The following GBE1 variants were observed in gnomAD, a reference collection of about 807,000 sequenced individuals.
GBE1 encodes 1,4-alpha-glucan-branching enzyme.
A neutral mutation model predicts 88.8 loss-of-function variants in GBE1; 70 were observed. The observed-to-expected ratio is 0.79, with a 90% CI of 0.65 to 0.96. The LOEUF is 0.96. Among genes scored for constraint, GBE1 ranks in the 40% least tolerant of loss-of-function variants. The pLI is 0.00. For synonymous variants in GBE1, 284 were observed against 300.1 expected (o/e 0.95, Z 0.56); for missense variants, 872 against 871.0 (o/e 1.00, Z -0.01).
chr3:81,759,602 G>T (rs1030188644), intron 1 of GBE1, among the ~76,000 whole-genome samples: 2 of 152,160 alleles, frequency 1.3e-5, no homozygotes, highest in Admixed American at 1.3e-4. Context: ...GCTAGCAAAT[G>T]GCCATTACTC....
At chr3:81,704,194 T>C (rs1705739918) in intron 2 of GBE1, among the ~76,000 whole-genome samples, 1 of 152,006 alleles carries the variant, frequency 6.6e-6, no homozygotes, top group Non-Finnish European at 1.5e-5. Flanking sequence ...TACTCTACTG[T>C]TCTCCTTTCA....
chr3:81,608,926 T>C (rs2106985382), intron 7 of GBE1, among the ~76,000 whole-genome samples: 1 of 152,264 alleles, frequency 6.6e-6, no homozygotes, highest in Non-Finnish European at 1.5e-5. Flanking sequence ...ATAAGAGCCT[T>C]CATAAGGAAA....
chr3:81,654,389 A>C lies in GBE1; in HGVS notation c.430-4468T>G, dbSNP rs73127101. On this transcript the variant is annotated intron_variant, in intron 3 of 15. Coordinates refer to ENST00000429644, the MANE Select transcript of GBE1 (RefSeq NM_000158.4). Reference sequence around the variant, plus strand: ...TTTAAAGTGCTTCTTGCAAAACACAAATTTTCCATGTACTGGAAAATTACT... The same window carrying C: ...TTTAAAGTGCTTCTTGCAAAACACACATTTTCCATGTACTGGAAAATTACT... Among the ~76,000 whole-genome samples the C allele has an allele frequency of 3.0e-3, 462 of 152,232 alleles. 1 individual carries two copies. The highest frequency in any genetic ancestry group is 6.8e-3 in the Middle Eastern group (2 of 294).
Position 81,621,469 on chromosome 3 carries a change from G to A in GBE1, c.992+21312C>T, listed in dbSNP as rs918341787. On this transcript the variant is annotated intron_variant, in intron 7 of 15. Transcript: ENST00000429644. ...TCCTCCTGGCTTTCAAAGAGCCCTC[G>A]TTGTGACTTAAGGGAAGTCACAGCA... Among the ~76,000 whole-genome samples the A allele has an allele frequency of 2.2e-4, 34 of 152,162 alleles. No homozygotes were observed. The South Asian group carries it at 4.2e-3, about 19-fold the overall frequency.
intron 7 of GBE1, among the ~76,000 whole-genome samples, chr3:81,597,766 T>C (rs1446521493): frequency 6.6e-6 from 1 of 151,756 alleles, no homozygotes; most frequent in South Asian, 2.1e-4. Context: ...GTGCCTAATA[T>C]AGAAACTGAA....
chr3:81,692,572 C>T (rs891222268), intron 2 of GBE1, among the ~76,000 whole-genome samples: 1 of 152,056 alleles, frequency 6.6e-6, no homozygotes, highest in African/African-American at 2.4e-5. Context: ...TAACGTTCTC[C>T]ATCAAGAAAA....
chr3:81,510,871 T>A (rs1462937627), intron 14 of GBE1, among the ~76,000 whole-genome samples: 1 of 152,100 alleles, frequency 6.6e-6, no homozygotes, highest in Non-Finnish European at 1.5e-5. Flanking sequence ...ATGTGTTATA[T>A]ACTTGAAATC....
At chr3:81,626,595 G>C (rs1704419754) in intron 7 of GBE1, among the ~76,000 whole-genome samples, 1 of 151,982 alleles carries the variant, frequency 6.6e-6, no homozygotes, top group South Asian at 2.1e-4. Context: ...AACTACTCCA[G>C]GCAAAGATAA....
chr3:81,699,243 C>T (rs889023522), intron 2 of GBE1, among the ~76,000 whole-genome samples: 1 of 152,104 alleles, frequency 6.6e-6, no homozygotes, highest in Non-Finnish European at 1.5e-5. Context: ...ATTGAACAAA[C>T]GACTCCTTGA....
At chr3:81,540,583 T>C (rs948394654) in intron 12 of GBE1, among the ~76,000 whole-genome samples, 4 of 152,108 alleles carry the variant, frequency 2.6e-5, no homozygotes, top group Non-Finnish European at 5.9e-5. Flanking sequence ...ATTTGGCTCT[T>C]GTTCATACAG....
chr3:81,613,547 A>G lies in GBE1; in HGVS notation c.993-19524T>C, dbSNP rs560436437. 2.5e-4 allele frequency among the ~76,000 whole-genome samples: 38 copies of G among 152,150 alleles called. 1 individual carries two copies. In the South Asian group the frequency reaches 7.7e-3, roughly 31 times the overall value. Reference sequence around the variant, plus strand: ...TGTCTATTTTCTCTTGTTTAAAAAAAGAAAAAAAAAACTTAAACAATGGGG... The same window carrying G: ...TGTCTATTTTCTCTTGTTTAAAAAAGGAAAAAAAAAACTTAAACAATGGGG... On this transcript the variant is annotated intron_variant, in intron 7 of 15. Coordinates refer to ENST00000429644, the MANE Select transcript of GBE1 (RefSeq NM_000158.4).
intron 12 of GBE1, among the ~76,000 whole-genome samples, chr3:81,565,361 T>C (rs572489077): frequency 6.6e-6 from 1 of 152,312 alleles, no homozygotes; most frequent in South Asian, 2.1e-4. Context: ...ATTCCAGCGC[T>C]TAGCAGGAAG....
chr3:81,668,440 G>T (rs923952950), intron 3 of GBE1, among the ~76,000 whole-genome samples: 1 of 152,144 alleles, frequency 6.6e-6, no homozygotes, highest in Non-Finnish European at 1.5e-5. Context: ...AGAATGTAGG[G>T]TGAGCCAGTA....
chr3:81,723,257 T>G lies in GBE1; in HGVS notation c.144-17644A>C, dbSNP rs547007883. Among the ~76,000 whole-genome samples, 196 of 127,786 alleles carry G rather than the reference T, an allele frequency of 1.5e-3. 1 individual carries two copies. The highest frequency in any genetic ancestry group is 6.4e-3 in the Admixed American group (85 of 13,196). The allele number at this position is 127,786 out of a possible 152,430, so 83.8% of individuals were successfully genotyped here. On this transcript the variant is annotated intron_variant, in intron 1 of 15. Coordinates refer to ENST00000429644, the MANE Select transcript of GBE1 (RefSeq NM_000158.4). ...TATCCTTGGTATTAAATAAAAGTTG[T>G]TTTGTTTTTTTTTTTTTGTATTTTT...
chr3:81,659,502 AT>A (rs35138103), intron 3 of GBE1, among the ~76,000 whole-genome samples: 39,625 of 126,964 alleles, frequency 0.31, 5,617 homozygotes, highest in African/African-American at 0.43. Context: ...CGCCCGGCTA[AT>A]TTTTTTTTTT....
chr3:81,756,269 T>G (rs1706599979), intron 1 of GBE1, among the ~76,000 whole-genome samples: 1 of 152,192 alleles, frequency 6.6e-6, no homozygotes, highest in Admixed American at 6.5e-5. Flanking sequence ...TATATTCCCC[T>G]TACCCAGATT....
Position 81,617,441 on chromosome 3 carries a change from A to G in GBE1, c.993-23418T>C, listed in dbSNP as rs554534666. ...TATTACTCTGAGCCATTTTATTTCA[A>G]ATGGGTGTTTAATTTGGCAAAATAC... On this transcript the variant is annotated intron_variant, in intron 7 of 15. Transcript: ENST00000429644. Among the ~76,000 whole-genome samples the G allele has an allele frequency of 8.5e-5, 13 of 152,078 alleles. No individual in the cohort carries two copies. In the South Asian group the frequency reaches 1.5e-3, roughly 17 times the overall value.
At chr3:81,713,387 A>G (rs1464961680) in intron 1 of GBE1, among the ~76,000 whole-genome samples, 1 of 152,222 alleles carries the variant, frequency 6.6e-6, no homozygotes, top group South Asian at 2.1e-4. Flanking sequence ...GAGAAAGTGG[A>G]GTATTCCAGT....
At chr3:81,689,336 A>G (rs906692749) in intron 2 of GBE1, among the ~76,000 whole-genome samples, 2 of 152,232 alleles carry the variant, frequency 1.3e-5, no homozygotes, top group Non-Finnish European at 2.9e-5. Context: ...TCAGGGACCC[A>G]AGTTTAGGAA....
Sources: gnomAD v4.1 joint callset for allele counts (sites outside exome capture counted in the v4.1 genomes callset) on GRCh38, gnomAD v4.1.1 for gene constraint, MANE v1.5 for transcripts, NCBI Gene and HGNC (gene_info 2026-07-23, HGNC 2026-07-21) for gene names.